Variants in PXDNL observed in about 807,000 individuals in gnomAD.
PXDNL encodes peroxidasin like.
In PXDNL, 145 loss-of-function variants were observed where a neutral mutation model predicts 150.8. That is an observed-to-expected ratio of 0.96 (90% CI 0.84 to 1.10). The LOEUF (loss-of-function observed/expected upper bound fraction) is 1.10. Among genes scored for constraint, PXDNL ranks in the 50% least tolerant of loss-of-function variants. The probability of loss-of-function intolerance (pLI) is 0.00; values close to 1 mark genes in which losing one functional copy is unlikely to be tolerated. For synonymous variants in PXDNL, 757 were observed against 725.7 expected, an observed-to-expected ratio of 1.04 and a Z score of -0.69; for missense variants, 2,087 against 1,873.9, an observed-to-expected ratio of 1.11 and a Z score of -2.10.
chr8:51,720,464 G>A (rs1816706708), intron 1 of PXDNL, among the ~76,000 whole-genome samples: 1 of 152,058 alleles, frequency 6.6e-6, no homozygotes, highest in African/African-American at 2.4e-5. Context: ...TAATTGTGGT[G>A]TTATTTATAT....
At chr8:51,519,588 G>A (rs748797526) in intron 4 of PXDNL, among the ~76,000 whole-genome samples, 2 of 152,106 alleles carry the variant, frequency 1.3e-5, no homozygotes, top group Non-Finnish European at 2.9e-5. Flanking sequence ...AGGAAGAGGA[G>A]AAAGAGGAGG....
At chr8:51,578,626 T>C (rs912601315) in intron 3 of PXDNL, among the ~76,000 whole-genome samples, 4 of 151,928 alleles carry the variant, frequency 2.6e-5, no homozygotes, top group African/African-American at 9.7e-5. Flanking sequence ...AATTATTTTA[T>C]GTTTTAATGG....
At chr8:51,621,636 C>T (rs1814256311) in intron 2 of PXDNL, among the ~76,000 whole-genome samples, 1 of 151,916 alleles carries the variant, frequency 6.6e-6, no homozygotes, top group African/African-American at 2.4e-5. Context: ...TGATAACTTA[C>T]ATATATAAAA....
rs1222461209 is a variant in PXDNL at position 51,327,538 on chromosome 8, AAAGTC to A, written c.4147-6646_4147-6642del. ...TTGTAACTACATAAGCTTGAACTAT[AAAGTC>A]AAGAGCACTCCAAGACTCAATGTTG... On this transcript the variant is annotated intron_variant, in intron 21 of 22. Transcript: ENST00000356297. Among the ~76,000 whole-genome samples, 3 of 152,216 alleles carry A rather than the reference AAAGTC, an allele frequency of 2.0e-5. No individual in the cohort carries two copies. In the East Asian group the frequency reaches 5.8e-4, roughly 29 times the overall value.
chr8:51,511,268 G>A (rs188030641), intron 4 of PXDNL, among the ~76,000 whole-genome samples: 8 of 152,208 alleles, frequency 5.3e-5, no homozygotes, highest in Non-Finnish European at 2.9e-5. Context: ...GCACCTTCCT[G>A]ATACATAGCA....
intron 2 of PXDNL, among the ~76,000 whole-genome samples, chr8:51,621,567 C>T (rs542197779): frequency 1.3e-5 from 2 of 151,888 alleles, no homozygotes; most frequent in East Asian, 3.9e-4. Flanking sequence ...TGCCAGACCC[C>T]AGGATCTATT....
At chr8:51,399,187 T>A (rs1033925718) in intron 17 of PXDNL, among the ~76,000 whole-genome samples, 4 of 152,162 alleles carry the variant, frequency 2.6e-5, no homozygotes, top group Admixed American at 2.6e-4. Context: ...TCTTATAAAG[T>A]TAAATACAGA....
At chr8:51,769,106 A>T (rs2037262938) in intron 1 of PXDNL, among the ~76,000 whole-genome samples, 1 of 152,222 alleles carries the variant, frequency 6.6e-6, no homozygotes, top group Non-Finnish European at 1.5e-5. Context: ...CGTCTCAAAA[A>T]AGAATGTGCA....
At chr8:51,525,446 GCTCT>G (rs1563450008) in intron 4 of PXDNL, among the ~76,000 whole-genome samples, 1 of 152,236 alleles carries the variant, frequency 6.6e-6, no homozygotes, top group Admixed American at 6.5e-5. Context: ...GGTCTGCTTC[GCTCT>G]CTATCTGTAA....
At chr8:51,328,907 G>A (rs981296948) in intron 21 of PXDNL, among the ~76,000 whole-genome samples, 4 of 152,154 alleles carry the variant, frequency 2.6e-5, no homozygotes, top group Admixed American at 1.3e-4. Context: ...CCAAGGGAAA[G>A]GAACTTGCCA....
chr8:51,455,186 C>A (rs78003211), intron 9 of PXDNL, among the ~76,000 whole-genome samples: 1 of 150,210 alleles, frequency 6.7e-6, no homozygotes, highest in Non-Finnish European at 1.5e-5. Flanking sequence ...ATAAATGTTC[C>A]GAGGTAAGTC....
In PXDNL at chr8:51,360,818, G is replaced by A. The variant is rs145719838; in HGVS notation, c.3901+11055C>T. On this transcript the variant is annotated intron_variant, in intron 19 of 22. Coordinates refer to ENST00000356297, the MANE Select transcript of PXDNL (RefSeq NM_144651.5). ...GTCTGGAACCAATCTGGCTGTTTCT[G>A]TACCTCACTTCTGTTTTCTGTACAT... 2.7e-3 allele frequency among the ~76,000 whole-genome samples: 415 copies of A among 152,328 alleles called. 2 individuals are homozygous for A. Among genetic ancestry groups the A allele is most frequent in the African/African-American group, 9.8e-3 (406 of 41,582 alleles).
At chr8:51,593,578 A>G (rs967750914) in intron 2 of PXDNL, among the ~76,000 whole-genome samples, 2 of 152,168 alleles carry the variant, frequency 1.3e-5, no homozygotes, top group African/African-American at 4.8e-5. Flanking sequence ...TGTATGAATG[A>G]TTAGGAAAAC....
chr8:51,797,876 C>T (rs35439900), intron 1 of PXDNL, among the ~76,000 whole-genome samples: 2 of 152,154 alleles, frequency 1.3e-5, no homozygotes, highest in Non-Finnish European at 1.5e-5. Flanking sequence ...CAAGACAATC[C>T]TAAGCAAAAA....
chr8:51,539,414 A>G (rs1350561250), intron 4 of PXDNL, among the ~76,000 whole-genome samples: 1 of 152,062 alleles, frequency 6.6e-6, no homozygotes, highest in Non-Finnish European at 1.5e-5. Context: ...TGAGAAATAT[A>G]GTTATGTTGA....
At chr8:51,454,333 G>A (rs778147135) in intron 9 of PXDNL, among the ~76,000 whole-genome samples, 9 of 152,174 alleles carry the variant, frequency 5.9e-5, no homozygotes, top group Non-Finnish European at 1.0e-4. Context: ...GCTCACTATA[G>A]GTAATGTGGC....
rs925804271 is a variant in PXDNL at position 51,649,428 on chromosome 8, T to G, written c.236+5261A>C. On this transcript the variant is annotated intron_variant, in intron 2 of 22. Transcript: ENST00000356297. ...TTAAATCTTGTCTAGAGCTGAATCT[T>G]TTATTCTTTTGGAAATTGGGTAAAT... 2.6e-5 allele frequency among the ~76,000 whole-genome samples: 4 copies of G among 152,302 alleles called. No homozygotes were observed. The East Asian group carries it at 7.7e-4, about 29-fold the overall frequency.
intron 21 of PXDNL, among the ~76,000 whole-genome samples, chr8:51,321,834 A>C (rs1805325959): frequency 1.3e-5 from 2 of 152,196 alleles, no homozygotes; most frequent in Non-Finnish European, 1.5e-5. Flanking sequence ...AGCCACACTC[A>C]GTTCTGCCTC....
intron 4 of PXDNL, among the ~76,000 whole-genome samples, chr8:51,521,754 A>G (rs994909664): frequency 1.3e-5 from 2 of 152,168 alleles, no homozygotes; most frequent in Non-Finnish European, 2.9e-5. Flanking sequence ...GAAGTCAGTC[A>G]AAAGGAAAGA....
Sources: allele counts gnomAD v4.1 joint callset (sites outside exome capture counted in the v4.1 genomes callset), GRCh38; gene constraint gnomAD v4.1.1; transcripts MANE v1.5; gene names NCBI Gene and HGNC (gene_info 2026-07-23, HGNC 2026-07-21).